Variants in STK32B observed in about 807,000 individuals in gnomAD.
STK32B encodes serine/threonine-protein kinase 32B.
A neutral mutation model predicts 52.6 loss-of-function variants in STK32B; 43 were observed. The ratio of observed to expected loss-of-function variants is 0.82; its 90% CI spans 0.64 to 1.05. The LOEUF is 1.05. Ranked by LOEUF, STK32B falls within the 50% of genes least tolerant of loss-of-function variation. The pLI is 0.00. For missense variants in STK32B, 621 were observed against 534.6 expected (o/e 1.16, Z -1.59); for synonymous variants, 238 against 204.3 (o/e 1.17, Z -1.41).
intron 6 of STK32B, among the ~76,000 whole-genome samples, chr4:5,432,734 C>G (rs1713699237): frequency 6.6e-6 from 1 of 152,140 alleles, no homozygotes; most frequent in Non-Finnish European, 1.5e-5. Context: ...GCTTGAACTT[C>G]ATTCATAGTA....
intron 3 of STK32B, chr4:5,204,092 C>G (rs1229867274): frequency 2.0e-5 from 3 of 152,270 alleles, no homozygotes; most frequent in African/African-American, 7.2e-5. Flanking sequence ...TCAGGAAGCA[C>G]TCCTTAATAA....
At chr4:5,188,114 T>C (rs932178580) in intron 3 of STK32B, among the ~76,000 whole-genome samples, 3 of 152,186 alleles carry the variant, frequency 2.0e-5, no homozygotes, top group African/African-American at 7.2e-5. Context: ...TGGAGCAGCA[T>C]ACATTATTAT....
chr4:5,374,363 G>T (rs1029372087), intron 4 of STK32B, among the ~76,000 whole-genome samples: 1 of 152,168 alleles, frequency 6.6e-6, no homozygotes, highest in African/African-American at 2.4e-5. Context: ...TTTTTGCTAA[G>T]ATAAGTGTGT....
intron 7 of STK32B, among the ~76,000 whole-genome samples, chr4:5,448,041 G>A (rs929661512): frequency 1.5e-4 from 23 of 152,212 alleles, no homozygotes; most frequent in Admixed American, 3.9e-4. Context: ...TGTAATGGGT[G>A]TTGACTGAAT....
chr4:5,415,327 A>G (rs1254487364), intron 5 of STK32B, among the ~76,000 whole-genome samples: 5 of 152,180 alleles, frequency 3.3e-5, no homozygotes, highest in African/African-American at 1.2e-4. Flanking sequence ...AGGTGAGGAA[A>G]CTGAAGCCCA....
At chr4:5,182,741 G>A (rs894988478) in intron 3 of STK32B, among the ~76,000 whole-genome samples, 1 of 152,102 alleles carries the variant, frequency 6.6e-6, no homozygotes, top group Non-Finnish European at 1.5e-5. Context: ...TTACAGATGT[G>A]AGCCACTGCG....
rs933902234 is a variant in STK32B at position 5,080,900 on chromosome 4, C to T, written c.52+28985C>T. Among the ~76,000 whole-genome samples the T allele has an allele frequency of 4.2e-4, 64 of 152,100 alleles. 1 individual carries two copies. Among genetic ancestry groups the T allele is most frequent in the Admixed American group, 3.9e-3 (59 of 15,260 alleles). On this transcript the variant is annotated intron_variant, in intron 1 of 11. Coordinates refer to ENST00000282908, the MANE Select transcript of STK32B (RefSeq NM_018401.3). The stretch of plus-strand genomic sequence containing the variant: ...ATGCTGTACCATTAGGTCTCCAGAA[C>T]GATTTGATTTTATATGGGAAAGTCT...
At chr4:5,156,915 A>G (rs1205751766) in intron 2 of STK32B, among the ~76,000 whole-genome samples, 1 of 152,048 alleles carries the variant, frequency 6.6e-6, no homozygotes, top group Non-Finnish European at 1.5e-5. Context: ...CAAGCATATT[A>G]TTACTTGTCT....
intron 1 of STK32B, among the ~76,000 whole-genome samples, chr4:5,136,516 T>C (rs1464999590): frequency 6.6e-6 from 1 of 152,080 alleles, no homozygotes; most frequent in Non-Finnish European, 1.5e-5. Flanking sequence ...AAACCAAGGG[T>C]GCCAAACTGG....
intron 3 of STK32B, among the ~76,000 whole-genome samples, chr4:5,324,218 G>C (rs561785293): frequency 5.9e-5 from 9 of 152,176 alleles, no homozygotes; most frequent in Admixed American, 3.9e-4. Flanking sequence ...GTCAGGTGTG[G>C]TGGCATGGGC....
chr4:5,367,996 A>G (rs1734987526), intron 4 of STK32B, among the ~76,000 whole-genome samples: 1 of 152,160 alleles, frequency 6.6e-6, no homozygotes, highest in Non-Finnish European at 1.5e-5. Context: ...TTACCTTGAA[A>G]TGTGAGTGTG....
chr4:5,316,847 A>T (rs368368931), intron 3 of STK32B, among the ~76,000 whole-genome samples: 25 of 582 alleles, frequency 0.043, 1 homozygote, highest in East Asian at 0.5. Context: ...ATTATATATA[A>T]TATATTATAT....
intron 3 of STK32B, among the ~76,000 whole-genome samples, chr4:5,304,033 CTA>C (rs1318689086): frequency 6.6e-6 from 1 of 152,108 alleles, no homozygotes; most frequent in Admixed American, 6.6e-5. Context: ...TTCCATTAGT[CTA>C]TATGCCTATT....
chr4:5,142,462 G>A lies in STK32B; in HGVS notation c.108+2502G>A, dbSNP rs75720165. Among the ~76,000 whole-genome samples the A allele has an allele frequency of 6.1e-3, 931 of 152,302 alleles. 7 individuals carry two copies. The highest frequency in any genetic ancestry group is 0.011 in the Non-Finnish European group (728 of 68,024). On this transcript the variant is annotated intron_variant, in intron 2 of 11. Coordinates refer to ENST00000282908, the MANE Select transcript of STK32B (RefSeq NM_018401.3). ...CTACACAATCCAGACTTCACTGTAG[G>A]CACATGGAGGCACCACAGAGCTTCT...
chr4:5,257,762 G>A (rs1445539233), intron 3 of STK32B, among the ~76,000 whole-genome samples: 1 of 152,200 alleles, frequency 6.6e-6, no homozygotes, highest in Admixed American at 6.5e-5. Flanking sequence ...GGCCAACATG[G>A]CAAAACGCTG....
intron 3 of STK32B, among the ~76,000 whole-genome samples, chr4:5,208,822 A>C (rs1722734491): frequency 6.6e-6 from 1 of 152,216 alleles, no homozygotes; most frequent in African/African-American, 2.4e-5. Flanking sequence ...GATTCACCCA[A>C]ATCAAGCCCA....
At chr4:5,410,042 A>C (rs901590167) in intron 5 of STK32B, among the ~76,000 whole-genome samples, 31 of 152,138 alleles carry the variant, frequency 2.0e-4, no homozygotes, top group African/African-American at 7.0e-4. Flanking sequence ...GTTTGCTGTG[A>C]TCTCCATGAA....
At chr4:5,212,089 A>T (rs533623882) in intron 3 of STK32B, among the ~76,000 whole-genome samples, 2 of 152,318 alleles carry the variant, frequency 1.3e-5, no homozygotes, top group African/African-American at 4.8e-5. Context: ...GACACAGGCG[A>T]TTTTATTTAA....
chr4:5,419,739 G>A (rs576539383), intron 6 of STK32B, among the ~76,000 whole-genome samples: 2 of 152,250 alleles, frequency 1.3e-5, no homozygotes, highest in East Asian at 1.9e-4. Context: ...TATTTTTGTA[G>A]CAAATGCATC....
Sources: gnomAD v4.1 joint callset for allele counts (sites outside exome capture counted in the v4.1 genomes callset) on GRCh38, gnomAD v4.1.1 for gene constraint, MANE v1.5 for transcripts, NCBI Gene and HGNC (gene_info 2026-07-23, HGNC 2026-07-21) for gene names.